CTNNA3: variants seen among roughly 807,000 people sequenced by gnomAD.
CTNNA3 encodes catenin alpha-3.
CTNNA3 carries 76 observed loss-of-function variants against 95.7 expected under a neutral mutation model. The observed-to-expected ratio is 0.79, with a 90% CI of 0.66 to 0.96. The LOEUF (loss-of-function observed/expected upper bound fraction) is 0.96, where lower values mean the gene tolerates loss of function less well. Among genes scored for constraint, CTNNA3 ranks in the 40% least tolerant of loss-of-function variants. The probability of loss-of-function intolerance (pLI) is 0.00; values close to 1 mark genes in which losing one functional copy is unlikely to be tolerated. For missense variants in CTNNA3, 1,191 were observed against 1,089.8 expected, an observed-to-expected ratio of 1.09 and a Z score of -1.31; for synonymous variants, 431 against 374.4, an observed-to-expected ratio of 1.15 and a Z score of -1.74.
At chr10:66,793,504 G>A (rs1318859915) in intron 7 of CTNNA3, among the ~76,000 whole-genome samples, 1 of 151,760 alleles carries the variant, frequency 6.6e-6, no homozygotes, top group African/African-American at 2.4e-5. Flanking sequence ...AAGTAAACTT[G>A]TCTAAATAAT....
At chr10:66,665,468 T>C (rs1846419129) in intron 9 of CTNNA3, among the ~76,000 whole-genome samples, 1 of 152,336 alleles carries the variant, frequency 6.6e-6, no homozygotes, top group South Asian at 2.1e-4. Flanking sequence ...AGTCACACAA[T>C]TTTATCTCTG....
At chr10:67,598,417 A>C (rs563436611) in intron 3 of CTNNA3, among the ~76,000 whole-genome samples, 1 of 151,992 alleles carries the variant, frequency 6.6e-6, no homozygotes, top group Non-Finnish European at 1.5e-5. Context: ...TGGCAACCCC[A>C]TGCAGGGTTC....
Position 65,920,369 on chromosome 10 carries a change from C to T in CTNNA3, c.2649G>A (p.Leu883=). The T allele has an allele frequency of 6.2e-7, 1 of 1,614,016 alleles. No individual in the cohort carries two copies. The highest frequency in any genetic ancestry group is 8.5e-7 in the Non-Finnish European group (1 of 1,179,998). ...RGSAKKKIHP[L]QVMSEFRGRQ... ...TTCCTCTAAATTCACTCATGACTTG[C>T]AATGGATGGATTTTTTTCTTTGCTG... Residue 883 remains leucine (L), a synonymous_variant, in exon 18 of 18, where the codon TTG becomes TTA. Transcript: ENST00000433211.
In CTNNA3 at chr10:67,727,303, A is replaced by C. The variant is rs1378179149; in HGVS notation, c.-2+36131T>G. Among the ~76,000 whole-genome samples the C allele has an allele frequency of 3.0e-5, 4 of 132,704 alleles. 1 individual carries two copies. The highest frequency in any genetic ancestry group is 6.2e-5 in the Non-Finnish European group (4 of 64,464). The allele number at this position is 132,704 out of a possible 152,430, so 87.1% of individuals were successfully genotyped here. ...CAACAGTGACTAGAATTTTATATAT[A>C]TTATATATGATATATTATATATTTA... On this transcript the variant is annotated intron_variant, in intron 1 of 17. Transcript: ENST00000684154.
intron 11 of CTNNA3, among the ~76,000 whole-genome samples, chr10:66,406,118 A>G (rs965822591): frequency 6.6e-6 from 1 of 152,224 alleles, no homozygotes; most frequent in African/African-American, 2.4e-5. Flanking sequence ...AATGACAATG[A>G]AAAAAGGGAT....
At chr10:67,315,316 G>T (rs1480437646) in intron 5 of CTNNA3, among the ~76,000 whole-genome samples, 1 of 152,030 alleles carries the variant, frequency 6.6e-6, no homozygotes, top group Non-Finnish European at 1.5e-5. Context: ...TGGGTGAGTT[G>T]GTTATTCAGC....
intron 11 of CTNNA3, among the ~76,000 whole-genome samples, chr10:66,517,879 T>C (rs1336100689): frequency 1.3e-5 from 2 of 151,900 alleles, no homozygotes; most frequent in East Asian, 3.9e-4. Context: ...GCATAGAAAA[T>C]AATGTGCGTT....
At chr10:66,200,789 T>C (rs1303333289) in intron 13 of CTNNA3, among the ~76,000 whole-genome samples, 1 of 152,242 alleles carries the variant, frequency 6.6e-6, no homozygotes, top group Non-Finnish European at 1.5e-5. Context: ...TAAAATATAA[T>C]TTAATAGCTA....
At chr10:67,440,119 G>A (rs1177907343) in intron 5 of CTNNA3, among the ~76,000 whole-genome samples, 1 of 152,172 alleles carries the variant, frequency 6.6e-6, no homozygotes, top group African/African-American at 2.4e-5. Flanking sequence ...CCTTAAGGGT[G>A]ACTTCCAGGC....
chr10:66,365,097 T>G (rs1208620486), intron 12 of CTNNA3, among the ~76,000 whole-genome samples: 1 of 152,140 alleles, frequency 6.6e-6, no homozygotes, highest in Admixed American at 6.6e-5. Context: ...GTATAAGATA[T>G]ATGTGCACTA....
intron 5 of CTNNA3, among the ~76,000 whole-genome samples, chr10:67,419,013 A>G (rs572632590): frequency 3.1e-4 from 47 of 152,338 alleles, no homozygotes; most frequent in African/African-American, 1.1e-3. Flanking sequence ...TTACAAAAGA[A>G]AAAACAGTAT....
chr10:66,088,557 G>A (rs1564631204), intron 14 of CTNNA3, among the ~76,000 whole-genome samples: 1 of 149,064 alleles, frequency 6.7e-6, no homozygotes, highest in East Asian at 2.0e-4. Flanking sequence ...ATATCTTTCT[G>A]CAGTTCTCCA....
chr10:66,141,490 A>G (rs2083617052), intron 13 of CTNNA3, among the ~76,000 whole-genome samples: 1 of 152,150 alleles, frequency 6.6e-6, no homozygotes, highest in Non-Finnish European at 1.5e-5. Flanking sequence ...CAATTGTTAA[A>G]CTGTAAAATC....
At chr10:66,421,130 T>C (rs540947855) in intron 11 of CTNNA3, among the ~76,000 whole-genome samples, 8 of 152,274 alleles carry the variant, frequency 5.3e-5, no homozygotes, top group Admixed American at 4.6e-4. Flanking sequence ...GATGTCATTA[T>C]GTTAAGTGAA....
chr10:66,299,729 T>G (rs9787469), intron 12 of CTNNA3, among the ~76,000 whole-genome samples: 7,581 of 151,530 alleles, frequency 0.05, 266 homozygotes, highest in Middle Eastern at 0.096. Flanking sequence ...ATAACAGGAA[T>G]GGAAAACAAA....
At chr10:67,017,542 G>A (rs1049460995) in intron 7 of CTNNA3, among the ~76,000 whole-genome samples, 3 of 151,974 alleles carry the variant, frequency 2.0e-5, no homozygotes, top group African/African-American at 7.3e-5. Flanking sequence ...TCTATGGTTC[G>A]GCCTTTAAGA....
chr10:67,240,655 G>C (rs1865684240), intron 5 of CTNNA3, among the ~76,000 whole-genome samples: 1 of 152,104 alleles, frequency 6.6e-6, no homozygotes, highest in Admixed American at 6.6e-5. Flanking sequence ...ATAGGAAACT[G>C]AGAAACCATA....
chr10:67,386,306 G>C (rs929789409), intron 5 of CTNNA3, among the ~76,000 whole-genome samples: 9 of 151,862 alleles, frequency 5.9e-5, no homozygotes, highest in African/African-American at 2.2e-4. Flanking sequence ...ATTTACGTTC[G>C]GTCCTGTTTT....
intron 5 of CTNNA3, among the ~76,000 whole-genome samples, chr10:67,371,903 T>G (rs1843479921): frequency 6.6e-6 from 1 of 152,212 alleles, no homozygotes; most frequent in Non-Finnish European, 1.5e-5. Context: ...GTTTCCTGAC[T>G]TTTTAATGAT....
Sources: allele counts gnomAD v4.1 joint callset (sites outside exome capture counted in the v4.1 genomes callset), GRCh38; gene constraint gnomAD v4.1.1; transcripts MANE v1.5; gene names NCBI Gene and HGNC (gene_info 2026-07-23, HGNC 2026-07-21).